Variants in SPINK2 observed in about 807,000 individuals in gnomAD.
SPINK2 encodes the protein serine peptidase inhibitor Kazal type 2.
SPINK2 carries 8 observed loss-of-function variants against 13.5 expected under a neutral mutation model. The observed-to-expected ratio is 0.59, with a 90% CI of 0.35 to 1.07. The LOEUF (loss-of-function observed/expected upper bound fraction) is 1.07. SPINK2 is among the 50% of genes least tolerant of loss of function. SPINK2 has a pLI of 0.02. For missense variants in SPINK2, 148 were observed against 180.3 expected (o/e 0.82, Z 1.03); for synonymous variants, 76 against 74.7 (o/e 1.02, Z -0.09).
intron 1 of SPINK2, 123 bp from the exon 2 acceptor site, chr4:56,820,702 C>T (rs1445056314): frequency 1.4e-6 from 1 of 712,258 alleles, no homozygotes; most frequent in Non-Finnish European, 2.3e-6. Context: ...ACCTCCCGGG[C>T]TTAAGCGATC....
chr4:56,817,020 G>A (rs1717511118), intron 2 of SPINK2, among the ~76,000 whole-genome samples: 1 of 151,720 alleles, frequency 6.6e-6, no homozygotes, highest in African/African-American at 2.4e-5. Flanking sequence ...TGACCAACAT[G>A]GTAAAACCCC....
In SPINK2 at chr4:56,809,907, G is replaced by A; in HGVS notation, c.*232C>T. 3 of 1,107,868 alleles carry A rather than the reference G, an allele frequency of 2.7e-6. No homozygotes were observed. The highest frequency in any genetic ancestry group is 2.5e-6 in the Non-Finnish European group (2 of 811,836). 68.6% of individuals were successfully genotyped at this position (1,107,868 alleles called of 1,614,324 possible). A position where few individuals can be genotyped will look rare whatever the true frequency, so the allele number is the denominator to read the frequency against. On this transcript the variant is annotated 3_prime_UTR_variant, in exon 4 of 4. Transcript: ENST00000506738. ...TTCAACTAAATAAAGCAATGCACAA[G>A]TCACCTGGGCAGTAAGCTTAACTCC...
At chr4:56,821,863 C>G, upstream of SPINK2, 2 of 537,900 alleles carry the variant, frequency 3.7e-6, no homozygotes, top group Non-Finnish European at 6.2e-6. Context: ...CGGGGGAGAA[C>G]CGGAAAGGGC....
intron 2 of SPINK2, among the ~76,000 whole-genome samples, chr4:56,813,046 G>C (rs971702162): frequency 1.3e-5 from 2 of 152,188 alleles, no homozygotes; most frequent in African/African-American, 2.4e-5. Context: ...GAAGAGCGGA[G>C]CGTGGTGGCT....
chr4:56,810,796 G>C (rs1716913229), intron 3 of SPINK2: 1 of 151,948 alleles, frequency 6.6e-6, no homozygotes, highest in Non-Finnish European at 1.5e-5. Context: ...GCAGTGAGTC[G>C]GGCGACAAGT....
At chr4:56,817,809 G>A (rs1408931927) in intron 2 of SPINK2, among the ~76,000 whole-genome samples, 2 of 151,246 alleles carry the variant, frequency 1.3e-5, no homozygotes, top group African/African-American at 2.4e-5. Flanking sequence ...AGCCAAAATC[G>A]TGCCACTGCA....
chr4:56,815,144 A>G (rs1717333024), intron 2 of SPINK2, among the ~76,000 whole-genome samples: 1 of 152,002 alleles, frequency 6.6e-6, no homozygotes, highest in Non-Finnish European at 1.5e-5. Flanking sequence ...GGAACAGAAG[A>G]GAACTTCCTC....
intron 3 of SPINK2, chr4:56,810,385 G>A (rs1304639671): frequency 1.9e-5 from 11 of 570,202 alleles, no homozygotes; most frequent in Admixed American, 3.6e-5. Flanking sequence ...CCTAACGCTA[G>A]GGCACAGGAC....
chr4:56,816,358 T>G (rs540946539), intron 2 of SPINK2, among the ~76,000 whole-genome samples: 35 of 151,722 alleles, frequency 2.3e-4, no homozygotes, highest in African/African-American at 7.7e-4. Context: ...TTGTCTCTAC[T>G]AAAAAAATAT....
At chr4:56,815,012 G>A (rs937068193) in intron 2 of SPINK2, among the ~76,000 whole-genome samples, 1 of 149,798 alleles carries the variant, frequency 6.7e-6, no homozygotes, top group African/African-American at 2.4e-5. Flanking sequence ...AATCACACAG[G>A]AGGCAGAGGT....
intron 2 of SPINK2, among the ~76,000 whole-genome samples, chr4:56,814,401 A>G (rs544305915): frequency 2.0e-5 from 3 of 152,184 alleles, no homozygotes; most frequent in African/African-American, 7.2e-5. Context: ...GTTTACTGGT[A>G]TAATCACTCA....
intron 2 of SPINK2, among the ~76,000 whole-genome samples, chr4:56,820,160 T>C (rs1250732345): frequency 6.6e-6 from 1 of 152,200 alleles, no homozygotes; most frequent in Non-Finnish European, 1.5e-5. Flanking sequence ...CCTACTCAAA[T>C]GCAAGTGACA....
intron 2 of SPINK2, among the ~76,000 whole-genome samples, chr4:56,812,282 C>A (rs1401271748): frequency 1.3e-5 from 2 of 151,684 alleles, no homozygotes; most frequent in African/African-American, 4.8e-5. Context: ...TGGCTGGGAG[C>A]AGTGGCTTAC....
At chr4:56,815,567 G>T (rs1179905978) in intron 2 of SPINK2, among the ~76,000 whole-genome samples, 1 of 151,928 alleles carries the variant, frequency 6.6e-6, no homozygotes. Flanking sequence ...AGGCGTGGTG[G>T]CAGGCACCTG....
At position 56,812,838 on chromosome 4, in the gene SPINK2, T is replaced by C. The variant is rs142298273; in HGVS notation, c.250-1044A>G. 3.9e-3 allele frequency among the ~76,000 whole-genome samples: 595 copies of C among 152,242 alleles called. 3 individuals are homozygous for C. The highest frequency in any genetic ancestry group is 0.014 in the African/African-American group (569 of 41,538). On this transcript the variant is annotated intron_variant, in intron 2 of 3. Transcript: ENST00000506738. ...ATTAAAGAAAGCAGGAAATTGAGAA[T>C]TGAAGCAAATTTGTGCCAAAGGAAA...
intron 2 of SPINK2, among the ~76,000 whole-genome samples, chr4:56,816,089 C>T (rs995413305): frequency 1.3e-5 from 2 of 151,964 alleles, no homozygotes; most frequent in Non-Finnish European, 2.9e-5. Flanking sequence ...AGCCACAGAA[C>T]AAGACTCAGT....
chr4:56,815,851 T>G (rs2109437649), intron 2 of SPINK2, among the ~76,000 whole-genome samples: 2 of 150,608 alleles, frequency 1.3e-5, no homozygotes, highest in South Asian at 4.2e-4. Context: ...TTCCTGTAAT[T>G]CCAGTACTTT....
At chr4:56,813,175 T>C (rs761364615) in intron 2 of SPINK2, among the ~76,000 whole-genome samples, 1 of 151,860 alleles carries the variant, frequency 6.6e-6, no homozygotes, top group Non-Finnish European at 1.5e-5. Context: ...ATACAAAAAT[T>C]AGCTGGGGGT....
Position 56,821,635 on chromosome 4 carries a change from G to A in SPINK2, c.28C>T (p.Leu10=). ...GCGAAGGTAACTGCCAGGAGCAGCAGCGCCAAGCGCAGCACCGACAGCGCC... is the reference window on the plus strand; with the variant it reads ...GCGAAGGTAACTGCCAGGAGCAGCAACGCCAAGCGCAGCACCGACAGCGCC... MALSVLRLA[L]LLLAVTFAGS... Residue 10 remains leucine (L), a synonymous_variant, in exon 1 of 4, where the codon CTG becomes TTG. Transcript: ENST00000506738. The A allele has an allele frequency of 6.5e-7, 1 of 1,547,696 alleles. No individual in the cohort carries two copies.
Sources: gnomAD v4.1 joint callset for allele counts (sites outside exome capture counted in the v4.1 genomes callset) on GRCh38, gnomAD v4.1.1 for gene constraint, MANE v1.5 for transcripts, NCBI Gene and HGNC (gene_info 2026-07-23, HGNC 2026-07-21) for gene names.